Variants in TSPAN3 observed in about 807,000 individuals in gnomAD.
TSPAN3 encodes tetraspanin 3.
Under a neutral mutation model 31.1 loss-of-function variants are expected in TSPAN3, and 9 were observed. The ratio of observed to expected loss-of-function variants is 0.29; its 90% CI spans 0.17 to 0.50. The LOEUF is 0.50. TSPAN3 is among the 20% of genes least tolerant of loss of function. The pLI, the probability that TSPAN3 is intolerant of heterozygous loss-of-function variation, is 0.98. For synonymous variants in TSPAN3, 129 were observed against 114.3 expected (o/e 1.13, Z -0.82); for missense variants, 252 against 313.5 (o/e 0.80, Z 1.48).
chr15:77,042,148 C>G lies in TSPAN3; in HGVS notation c.*4687G>C, dbSNP rs948102314. The G allele has an allele frequency of 7.9e-5, 12 of 152,152 alleles. No individual in the cohort carries two copies. The highest frequency in any genetic ancestry group is 2.9e-4 in the African/African-American group (12 of 41,426). 9.4% of individuals were successfully genotyped at this position (152,152 alleles called of 1,614,324 possible). ...ATTCCTATTAGCAAAAAGCAAAAACCAAAACCCAATACCAAGTCTGTTTCT... is the reference window on the plus strand; with the variant it reads ...ATTCCTATTAGCAAAAAGCAAAAACGAAAACCCAATACCAAGTCTGTTTCT... On this transcript the variant is annotated 3_prime_UTR_variant, in exon 7 of 7. Coordinates refer to ENST00000267970, the MANE Select transcript of TSPAN3 (RefSeq NM_005724.6).
intron 4 of TSPAN3, 35 bp downstream of exon 4, chr15:77,054,143 G>T: frequency 6.8e-7 from 1 of 1,471,512 alleles, no homozygotes; most frequent in Non-Finnish European, 9.5e-7. Context: ...ATCGTGATTG[G>T]TCCTCAAAAA....
At chr15:77,069,207 A>C (rs1257067163) in intron 1 of TSPAN3, among the ~76,000 whole-genome samples, 1 of 152,204 alleles carries the variant, frequency 6.6e-6, no homozygotes, top group Non-Finnish European at 1.5e-5. Context: ...ACGAGATGCT[A>C]TGAGAATTAA....
rs2076673751 is a variant in TSPAN3 at position 77,043,935 on chromosome 15, G to A, written c.*2900C>T. The A allele has an allele frequency of 6.6e-6, 1 of 152,290 alleles. No homozygotes were observed. Among genetic ancestry groups the A allele is most frequent in the Non-Finnish European group, 1.5e-5 (1 of 68,076 alleles). The allele number at this position is 152,290 out of a possible 1,614,324, so 9.4% of individuals were successfully genotyped here. On this transcript the variant is annotated 3_prime_UTR_variant, in exon 7 of 7. Coordinates refer to ENST00000267970, the MANE Select transcript of TSPAN3 (RefSeq NM_005724.6). ...AGAGACAGGGGGTTGGCGCAAGGGA[G>A]AGAGAACGCACACACATTTGAGAAC...
intron 6 of TSPAN3, among the ~76,000 whole-genome samples, chr15:77,051,942 T>C (rs1244458496): frequency 6.6e-6 from 1 of 152,186 alleles, no homozygotes; most frequent in African/African-American, 2.4e-5. Flanking sequence ...ATATAAAACC[T>C]GTGAGGACAG....
chr15:77,044,988 A>T lies in TSPAN3; in HGVS notation c.*1847T>A, dbSNP rs1456347658. Reference sequence around the variant, plus strand: ...GGGGCCTCTGAAATCACATTCTGGTAACTTCCACTTTGTGAAAAGGAGTTA... The same window carrying T: ...GGGGCCTCTGAAATCACATTCTGGTTACTTCCACTTTGTGAAAAGGAGTTA... On this transcript the variant is annotated 3_prime_UTR_variant, in exon 7 of 7. Transcript: ENST00000267970. 2 of 152,128 alleles carry T rather than the reference A, an allele frequency of 1.3e-5. No homozygotes were observed. The highest frequency in any genetic ancestry group is 4.8e-5 in the African/African-American group (2 of 41,402). The allele number at this position is 152,128 out of a possible 1,614,324, so 9.4% of individuals were successfully genotyped here. A position where few individuals can be genotyped will look rare whatever the true frequency, so the allele number is the denominator to read the frequency against.
At chr15:77,064,101 C>T (rs554865173) in intron 1 of TSPAN3, 24 of 152,190 alleles carry the variant, frequency 1.6e-4, no homozygotes, top group Non-Finnish European at 3.2e-4. Context: ...CACATAAATG[C>T]AGATAATTTT....
chr15:77,056,568 A>T (rs537870401), intron 1 of TSPAN3, among the ~76,000 whole-genome samples: 73 of 152,200 alleles, frequency 4.8e-4, no homozygotes, highest in African/African-American at 1.7e-3. Flanking sequence ...TCCACATCCA[A>T]TACGGATCAG....
intron 6 of TSPAN3, among the ~76,000 whole-genome samples, chr15:77,047,565 G>A (rs376407262): frequency 1.3e-5 from 2 of 152,198 alleles, no homozygotes; most frequent in South Asian, 4.1e-4. Context: ...TGAAATCCAC[G>A]GTTCTGTGGT....
intron 1 of TSPAN3, chr15:77,067,772 G>A (rs1420499581): frequency 6.6e-6 from 1 of 152,194 alleles, no homozygotes; most frequent in East Asian, 1.9e-4. Flanking sequence ...CAAACAAAGT[G>A]TCATGTAAAT....
At chr15:77,058,767 C>A (rs1032609552) in intron 1 of TSPAN3, among the ~76,000 whole-genome samples, 2 of 152,094 alleles carry the variant, frequency 1.3e-5, no homozygotes, top group African/African-American at 4.8e-5. Flanking sequence ...TTTGTATTTG[C>A]GTTGGTTTGT....
At chr15:77,067,135 C>A (rs988538733) in intron 1 of TSPAN3, among the ~76,000 whole-genome samples, 2 of 152,114 alleles carry the variant, frequency 1.3e-5, no homozygotes, top group Non-Finnish European at 2.9e-5. Context: ...TCTCTCAATA[C>A]GGCCACATTG....
intron 1 of TSPAN3, chr15:77,068,274 A>G (rs552400750): frequency 2.0e-5 from 3 of 152,332 alleles, no homozygotes; most frequent in African/African-American, 7.2e-5. Flanking sequence ...TAACCAAGAT[A>G]AAGCATATTT....
At position 77,070,927 on chromosome 15, in the gene TSPAN3, T is replaced by C. The variant is rs1596175248; in HGVS notation, c.28A>G (p.Lys10Glu). 6.9e-7 allele frequency: 1 copy of C among 1,442,184 alleles called. No individual in the cohort carries two copies. Among genetic ancestry groups the C allele is most frequent in the Non-Finnish European group, 9.2e-7 (1 of 1,089,626 alleles). 89.3% of individuals were successfully genotyped at this position (1,442,184 alleles called of 1,614,324 possible). Reference sequence around the variant, plus strand: ...AGGTTGAGAAAGACCAGCACGGTCTTGGAGGAGGTGATGCCGCACTGGCCC... The same window carrying C: ...AGGTTGAGAAAGACCAGCACGGTCTCGGAGGAGGTGATGCCGCACTGGCCC... MGQCGITSS[K>E]TVLVFLNLIF... Residue 10 changes from lysine to glutamate, a missense_variant, in exon 1 of 7, where the codon AAG (lysine) becomes GAG (glutamate). Physicochemically the swap from Lys to Glu is moderately conservative, Grantham distance 56 (BLOSUM62 1). Transcript: ENST00000267970.
At chr15:77,054,315 A>G in intron 3 of TSPAN3, 36 bp from the exon 4 acceptor site, 1 of 1,437,824 alleles carries the variant, frequency 7.0e-7, no homozygotes, top group South Asian at 1.1e-5. Flanking sequence ...CCTCAAAAAT[A>G]CTAGTAAAAG....
chr15:77,058,526 A>G (rs1038706528), intron 1 of TSPAN3, among the ~76,000 whole-genome samples: 3 of 152,212 alleles, frequency 2.0e-5, no homozygotes, highest in African/African-American at 7.2e-5. Context: ...GGTGGACACA[A>G]ACATCTCCCA....
chr15:77,063,728 T>C (rs775875828), intron 1 of TSPAN3: 1 of 152,204 alleles, frequency 6.6e-6, no homozygotes, highest in Non-Finnish European at 1.5e-5. Flanking sequence ...TTCTATTTAA[T>C]CCAATATCTA....
chr15:77,052,768 G>A lies in TSPAN3; in HGVS notation c.585+9C>T, dbSNP rs1301627980. 1.2e-6 allele frequency: 2 copies of A among 1,610,552 alleles called. No homozygotes were observed. The highest frequency in any genetic ancestry group is 8.5e-7 in the Non-Finnish European group (1 of 1,177,118). On this transcript the variant is annotated intron_variant, in intron 5 of 6. Transcript: ENST00000267970. ...CAAGCTAGACTCAAGTCGTGGCCAA[G>A]AGACTCACCTCAGCATAGAGGTCGG...
intron 1 of TSPAN3, among the ~76,000 whole-genome samples, chr15:77,057,522 A>G (rs1429760425): frequency 6.6e-6 from 1 of 152,198 alleles, no homozygotes. Context: ...CCATTTATGT[A>G]AATTTGGGAA....
At chr15:77,066,626 A>G (rs1408897555) in intron 1 of TSPAN3, among the ~76,000 whole-genome samples, 1 of 151,636 alleles carries the variant, frequency 6.6e-6, no homozygotes, top group Non-Finnish European at 1.5e-5. Flanking sequence ...TCATTTACCT[A>G]AAACACTTCT....
Sources: gnomAD v4.1 joint callset for allele counts (sites outside exome capture counted in the v4.1 genomes callset) on GRCh38, gnomAD v4.1.1 for gene constraint, MANE v1.5 for transcripts, NCBI Gene and HGNC (gene_info 2026-07-23, HGNC 2026-07-21) for gene names.